Variants in NBEA observed in about 807,000 individuals in gnomAD.
NBEA encodes neurobeachin.
NBEA carries 44 observed loss-of-function variants against 343.4 expected under a neutral mutation model. That is an observed-to-expected ratio of 0.13 (90% CI 0.10 to 0.16). NBEA has a LOEUF of 0.16. Ranked by LOEUF, NBEA falls within the 10% of genes least tolerant of loss-of-function variation. The pLI is 1.00. For missense variants in NBEA, 2,555 were observed against 3,631.3 expected (o/e 0.70, Z 7.62); for synonymous variants, 1,175 against 1,238.7 (o/e 0.95, Z 1.08).
intron 6 of NBEA, among the ~76,000 whole-genome samples, chr13:35,050,689 G>A (rs1383790989): frequency 1.3e-5 from 2 of 151,908 alleles, no homozygotes; most frequent in African/African-American, 4.8e-5. Flanking sequence ...GGATACCATT[G>A]TAGGCACTAG....
intron 31 of NBEA, 140 bp downstream of exon 31, chr13:35,196,442 A>G: frequency 1.2e-6 from 1 of 805,056 alleles, no homozygotes; most frequent in Non-Finnish European, 1.9e-6. Context: ...TGATGGCTCA[A>G]CCTAATCTTA....
At chr13:35,448,090 A>G (rs1361603177) in intron 39 of NBEA, among the ~76,000 whole-genome samples, 2 of 152,208 alleles carry the variant, frequency 1.3e-5, no homozygotes, top group African/African-American at 4.8e-5. Flanking sequence ...CTGCAAACTG[A>G]TAACACTTCA....
chr13:35,500,119 A>C (rs1430558026), intron 41 of NBEA, among the ~76,000 whole-genome samples: 3 of 152,082 alleles, frequency 2.0e-5, no homozygotes, highest in Admixed American at 2.0e-4. Context: ...TTAGATTTTT[A>C]ACTTAAGTGA....
chr13:35,606,478 G>A lies in NBEA; in HGVS notation c.7349G>A (p.Gly2450Glu), dbSNP rs1222886418. ...CCAGAGATGTTTGTCAACAGTAATG[G>A]ATATAATCTTGGAGTCAGAGAAGAT... ...YLPEMFVNSN[G>E]YNLGVREDEV... Residue 2450 changes from glycine to glutamate, a missense_variant, in exon 48 of 59, where the codon GGA becomes GAA. By Grantham distance (98) the Gly-to-Glu change is moderately conservative. Transcript: ENST00000379939. 1 of 1,596,936 alleles carries A rather than the reference G, an allele frequency of 6.3e-7. No homozygotes were observed. The highest frequency in any genetic ancestry group is 1.1e-5 in the South Asian group (1 of 88,246).
intron 38 of NBEA, among the ~76,000 whole-genome samples, chr13:35,431,350 G>A (rs1410849784): frequency 1.3e-5 from 2 of 151,980 alleles, no homozygotes; most frequent in Admixed American, 6.6e-5. Flanking sequence ...TATCTTTCGA[G>A]TGTATTACTC....
intron 10 of NBEA, among the ~76,000 whole-genome samples, chr13:35,091,102 C>G (rs550746103): frequency 2.1e-4 from 32 of 151,956 alleles, no homozygotes; most frequent in Non-Finnish European, 3.4e-4. Context: ...GGTCTTATCA[C>G]CAATGGAAGG....
chr13:35,639,104 A>G (rs1189960520), intron 49 of NBEA, among the ~76,000 whole-genome samples: 1 of 152,212 alleles, frequency 6.6e-6, no homozygotes, highest in East Asian at 1.9e-4. Context: ...ATTTGCTTAA[A>G]TATTCTAATA....
intron 40 of NBEA, among the ~76,000 whole-genome samples, chr13:35,454,685 C>T (rs2046469205): frequency 6.6e-6 from 1 of 151,884 alleles, no homozygotes; most frequent in South Asian, 2.1e-4. Flanking sequence ...ATGGTGAAAC[C>T]CCGTCTCTAC....
At chr13:35,102,562 A>G (rs1241319476) in intron 11 of NBEA, among the ~76,000 whole-genome samples, 1 of 151,706 alleles carries the variant, frequency 6.6e-6, no homozygotes, top group African/African-American at 2.4e-5. Context: ...ACTTTTCTGT[A>G]TGGAACAGTT....
At chr13:35,042,152 A>G (rs1195644631) in intron 2 of NBEA, among the ~76,000 whole-genome samples, 1 of 151,924 alleles carries the variant, frequency 6.6e-6, no homozygotes, top group Non-Finnish European at 1.5e-5. Context: ...AATTGCAAAA[A>G]GCATGCTTTG....
At chr13:35,320,789 C>T (rs1244098080) in intron 36 of NBEA, among the ~76,000 whole-genome samples, 1 of 152,090 alleles carries the variant, frequency 6.6e-6, no homozygotes, top group Non-Finnish European at 1.5e-5. Flanking sequence ...AGGCTTTGTT[C>T]ACTGCTTTTA....
At chr13:34,975,686 A>G (rs1330111876) in intron 1 of NBEA, among the ~76,000 whole-genome samples, 1 of 152,210 alleles carries the variant, frequency 6.6e-6, no homozygotes, top group Admixed American at 6.5e-5. Context: ...TATACATCCA[A>G]CAAAGGACTA....
intron 6 of NBEA, among the ~76,000 whole-genome samples, chr13:35,051,863 A>G (rs1374158459): frequency 6.6e-6 from 1 of 152,036 alleles, no homozygotes; most frequent in Non-Finnish European, 1.5e-5. Context: ...TCTTCAGACA[A>G]TTTTAGGAAA....
intron 38 of NBEA, among the ~76,000 whole-genome samples, chr13:35,370,582 T>G (rs2480362): frequency 0.29 from 44,292 of 151,902 alleles, 8,305 homozygotes; most frequent in African/African-American, 0.54. Flanking sequence ...TATATTAATG[T>G]ACTTTTGGTT....
intron 8 of NBEA, among the ~76,000 whole-genome samples, chr13:35,061,950 A>C (rs1298604952): frequency 6.6e-6 from 1 of 151,686 alleles, no homozygotes; most frequent in Non-Finnish European, 1.5e-5. Context: ...TTCTGGCCAG[A>C]AAGTTTCTCT....
chr13:35,283,343 T>A (rs2035184252), intron 34 of NBEA, among the ~76,000 whole-genome samples: 1 of 151,960 alleles, frequency 6.6e-6, no homozygotes, highest in Non-Finnish European at 1.5e-5. Flanking sequence ...ACAATTAAAC[T>A]TAACTTTGTT....
intron 11 of NBEA, among the ~76,000 whole-genome samples, chr13:35,105,029 A>G (rs2065846594): frequency 6.6e-6 from 1 of 151,968 alleles, no homozygotes. Flanking sequence ...GTATTTAAAA[A>G]GTTGTAAGCA....
intron 41 of NBEA, among the ~76,000 whole-genome samples, chr13:35,501,156 T>C (rs1594817818): frequency 6.6e-6 from 1 of 152,262 alleles, no homozygotes; most frequent in Middle Eastern, 3.4e-3. Flanking sequence ...TTTAGTATCA[T>C]GAGAGTTTTC....
chr13:35,040,767 G>A (rs1427301988), intron 1 of NBEA, among the ~76,000 whole-genome samples, 166 bp from the exon 2 acceptor site: 13 of 151,920 alleles, frequency 8.6e-5, no homozygotes, highest in Non-Finnish European at 1.5e-5. Context: ...TGCTCACAAT[G>A]CCTTTCACTT....
Sources: gnomAD v4.1 joint callset for allele counts (sites outside exome capture counted in the v4.1 genomes callset) on GRCh38, gnomAD v4.1.1 for gene constraint, MANE v1.5 for transcripts, NCBI Gene and HGNC (gene_info 2026-07-23, HGNC 2026-07-21) for gene names.